Variants in DSCAM observed in about 807,000 individuals in gnomAD.
DSCAM encodes cell adhesion molecule DSCAM.
In DSCAM, 47 loss-of-function variants were observed where a neutral mutation model predicts 217.7. That is an observed-to-expected ratio of 0.22 (90% CI 0.17 to 0.28). The LOEUF (loss-of-function observed/expected upper bound fraction) is 0.28, where lower values mean the gene tolerates loss of function less well. Ranked by LOEUF, DSCAM falls within the 10% of genes least tolerant of loss-of-function variation. The probability of loss-of-function intolerance (pLI) is 1.00; values close to 1 mark genes in which losing one functional copy is unlikely to be tolerated. For synonymous variants in DSCAM, 1,056 were observed against 1,015.3 expected (o/e 1.04, Z -0.76); for missense variants, 2,080 against 2,618.3 (o/e 0.79, Z 4.49).
chr21:40,083,259 T>C (rs561750886), intron 24 of DSCAM, among the ~76,000 whole-genome samples: 1 of 152,264 alleles, frequency 6.6e-6, no homozygotes, highest in South Asian at 2.1e-4. Flanking sequence ...CAAAACCCCG[T>C]CTCTAGTAAA....
chr21:40,637,500 T>TATATATAA lies in DSCAM; in HGVS notation c.508+55302_508+55309dup, dbSNP rs1411963634. Among the ~76,000 whole-genome samples the TATATATAA allele has an allele frequency of 3.7e-5, 2 of 53,698 alleles. 1 individual carries two copies. The highest frequency in any genetic ancestry group is 6.3e-5 in the Non-Finnish European group (2 of 31,922). The allele number at this position is 53,698 out of a possible 152,430, so 35.2% of individuals were successfully genotyped here. A position where few individuals can be genotyped will look rare whatever the true frequency, so the allele number is the denominator to read the frequency against. ...ATATAAATATATAAAAATATATAAA[T>TATATATAA]ATATATAAATATATAAATATATATA... On this transcript the variant is annotated intron_variant, in intron 3 of 32. Transcript: ENST00000400454.
chr21:40,557,783 CTCT>C (rs2076684083), intron 3 of DSCAM, among the ~76,000 whole-genome samples: 1 of 151,982 alleles, frequency 6.6e-6, no homozygotes, highest in Non-Finnish European at 1.5e-5. Flanking sequence ...AAGCAAACAC[CTCT>C]TCTTAATTTG....
intron 3 of DSCAM, among the ~76,000 whole-genome samples, chr21:40,397,280 A>ATGAGGGTCACACC (rs1555913368): frequency 6.6e-6 from 1 of 151,540 alleles, no homozygotes; most frequent in East Asian, 2.0e-4. Flanking sequence ...TGATTGGATC[A>ATGAGGGTCACACC]TGAGGGTCAC....
chr21:40,296,930 A>G (rs1044279449), intron 9 of DSCAM, among the ~76,000 whole-genome samples: 2 of 152,036 alleles, frequency 1.3e-5, no homozygotes, highest in African/African-American at 4.8e-5. Flanking sequence ...TGAACTGGTC[A>G]AAGTATTCGA....
intron 11 of DSCAM, among the ~76,000 whole-genome samples, chr21:40,253,808 C>A (rs1240173363): frequency 6.6e-6 from 1 of 152,262 alleles, no homozygotes; most frequent in Non-Finnish European, 1.5e-5. Flanking sequence ...CCGGATCTTG[C>A]CACATGTACC....
Position 40,146,266 on chromosome 21 carries a change from G to C in DSCAM, c.3019-1535C>G, listed in dbSNP as rs117157355. 1.4e-3 allele frequency among the ~76,000 whole-genome samples: 220 copies of C among 152,008 alleles called. 7 individuals carry two copies. In the East Asian group the frequency reaches 0.035, roughly 24 times the overall value. ...CAGAGCCCAGGTGGGCTTGACGGAG[G>C]GGGGGAGGTGGCGGGGCACGGCTCA... On this transcript the variant is annotated intron_variant, in intron 16 of 32. Transcript: ENST00000400454.
At chr21:40,769,894 C>T (rs2091429636) in intron 1 of DSCAM, among the ~76,000 whole-genome samples, 1 of 152,164 alleles carries the variant, frequency 6.6e-6, no homozygotes, top group Non-Finnish European at 1.5e-5. Flanking sequence ...CTTGATGTCT[C>T]CTGTAAATAA....
At chr21:40,767,301 C>T (rs948512815) in intron 1 of DSCAM, among the ~76,000 whole-genome samples, 1 of 151,952 alleles carries the variant, frequency 6.6e-6, no homozygotes, top group Non-Finnish European at 1.5e-5. Flanking sequence ...AAATAAGGGT[C>T]GTAGAATTGG....
At chr21:40,452,249 C>CACACACACACACACAT (rs1310501520) in intron 3 of DSCAM, among the ~76,000 whole-genome samples, 1 of 151,338 alleles carries the variant, frequency 6.6e-6, no homozygotes, top group Non-Finnish European at 1.5e-5. Flanking sequence ...CACACACACA[C>CACACACACACACACAT]ACACACACAC....
intron 15 of DSCAM, among the ~76,000 whole-genome samples, chr21:40,178,318 G>T (rs1400421222): frequency 6.6e-6 from 1 of 152,154 alleles, no homozygotes; most frequent in African/African-American, 2.4e-5. Context: ...CTGTTCCTGG[G>T]TTAGCTCTCA....
At chr21:40,843,159 A>G (rs2092116122) in intron 1 of DSCAM, among the ~76,000 whole-genome samples, 1 of 152,194 alleles carries the variant, frequency 6.6e-6, no homozygotes, top group Admixed American at 6.5e-5. Context: ...CTAATTAAAT[A>G]AAATAGCAAG....
At chr21:40,281,678 C>T (rs1029728025) in intron 10 of DSCAM, among the ~76,000 whole-genome samples, 5 of 152,162 alleles carry the variant, frequency 3.3e-5, no homozygotes, top group African/African-American at 1.2e-4. Flanking sequence ...TGCATCAATG[C>T]TATACATCAC....
chr21:40,773,704 T>C (rs893957221), intron 1 of DSCAM, among the ~76,000 whole-genome samples: 17 of 152,290 alleles, frequency 1.1e-4, no homozygotes, highest in South Asian at 1.0e-3. Context: ...TCTGATGCCA[T>C]AGAAAGGCAT....
At chr21:40,194,500 C>T (rs2090986519) in intron 11 of DSCAM, among the ~76,000 whole-genome samples, 1 of 152,164 alleles carries the variant, frequency 6.6e-6, no homozygotes, top group Non-Finnish European at 1.5e-5. Flanking sequence ...TGTGGGCAAA[C>T]CCTGCTAGCA....
rs143000562 is a variant in DSCAM, at chr21:40,015,629, G to A, written c.5687-2243C>T. ...TCTTAAAATATTCTGGAGACACAGG[G>A]TCTTGCTTGGTTTCCCAGGCTGGTC... On this transcript the variant is annotated intron_variant, in intron 32 of 32. Coordinates refer to ENST00000400454, the MANE Select transcript of DSCAM (RefSeq NM_001389.5). Among the ~76,000 whole-genome samples the A allele has an allele frequency of 3.9e-5, 6 of 152,194 alleles. No individual in the cohort carries two copies. The East Asian group carries it at 5.8e-4, about 15-fold the overall frequency.
In DSCAM at chr21:40,582,454, G is replaced by A. The variant is rs1485957887; in HGVS notation, c.508+110356C>T. Among the ~76,000 whole-genome samples the A allele has an allele frequency of 5.9e-5, 9 of 152,058 alleles. No homozygotes were observed. In the South Asian group the frequency reaches 8.3e-4, roughly 14 times the overall value. ...ACCAAGATAACTAACAGTCCCAGCC[G>A]AAAGGATCAAGAGCAACACATTCTT... On this transcript the variant is annotated intron_variant, in intron 3 of 32. Coordinates refer to ENST00000400454, the MANE Select transcript of DSCAM (RefSeq NM_001389.5).
intron 1 of DSCAM, among the ~76,000 whole-genome samples, chr21:40,725,826 G>A (rs2090950279): frequency 6.6e-6 from 1 of 152,182 alleles, no homozygotes; most frequent in Admixed American, 6.5e-5. Context: ...AAAGCAAGGT[G>A]TGACTGACCT....
intron 32 of DSCAM, among the ~76,000 whole-genome samples, chr21:40,022,675 G>A (rs889063528): frequency 1.3e-5 from 2 of 152,162 alleles, no homozygotes; most frequent in African/African-American, 4.8e-5. Flanking sequence ...AGGGCTTGGT[G>A]TTGAAATCCT....
Position 40,338,133 on chromosome 21 carries a change from G to C in DSCAM, c.1751C>G (p.Ser584Cys). The change falls in exon 8 of 33, where the codon TCC (serine) becomes TGC (cysteine). Residue 584 changes from serine (S) to cysteine (C), a missense_variant. By Grantham distance (112) the Ser-to-Cys change is moderately radical. This residue lies in a region of DSCAM where 218 missense variants were observed against 364.1 expected (regional missense o/e 0.60). Transcript: ENST00000400454. ...TCNVLVQPQLSTSQSVHVTVK... is the reference protein window; with the variant it reads ...TCNVLVQPQLCTSQSVHVTVK... ...GGTCACGTGGACGCTCTGGCTGGTG[G>C]AGAGTTGTGGTTGAACCAACACGTT... 6.2e-7 allele frequency: 1 copy of C among 1,614,212 alleles called. No individual in the cohort carries two copies. Among genetic ancestry groups the C allele is most frequent in the South Asian group, 1.1e-5 (1 of 91,086 alleles).
Sources: gnomAD v4.1 joint callset for allele counts (sites outside exome capture counted in the v4.1 genomes callset) on GRCh38, gnomAD v4.1.1 for gene constraint, gnomAD v4.1.1 regional missense constraint, MANE v1.5 for transcripts, NCBI Gene and HGNC (gene_info 2026-07-23, HGNC 2026-07-21) for gene names.